Variants in TACR3 observed in about 807,000 individuals in gnomAD.
TACR3 encodes the protein neuromedin-K receptor.
TACR3 carries 34 observed loss-of-function variants against 35.0 expected under a neutral mutation model. That is an observed-to-expected ratio of 0.97 (90% CI 0.74 to 1.30). The LOEUF (loss-of-function observed/expected upper bound fraction) is 1.30. Among genes scored for constraint, TACR3 ranks in the 50% most tolerant of loss-of-function variants. The pLI is 0.00. For synonymous variants in TACR3, 233 were observed against 221.1 expected, an observed-to-expected ratio of 1.05 and a Z score of -0.48; for missense variants, 558 against 591.7, an observed-to-expected ratio of 0.94 and a Z score of 0.59.
At chr4:103,634,867 C>T (rs74523615) in intron 3 of TACR3, among the ~76,000 whole-genome samples, 2,249 of 152,164 alleles carry the variant, frequency 0.015, 57 homozygotes, top group African/African-American at 0.052. Flanking sequence ...TCTCTAGCTT[C>T]AACTTCCTTA....
At chr4:103,617,339 A>T (rs552300539) in intron 3 of TACR3, among the ~76,000 whole-genome samples, 1 of 152,186 alleles carries the variant, frequency 6.6e-6, no homozygotes, top group Admixed American at 6.5e-5. Context: ...TCTTAGAATA[A>T]TATCTTAAAT....
intron 1 of TACR3, among the ~76,000 whole-genome samples, chr4:103,678,239 A>G (rs1343660817): frequency 2.0e-5 from 3 of 152,114 alleles, no homozygotes; most frequent in Non-Finnish European, 4.4e-5. Flanking sequence ...TCTGATGTTG[A>G]TCTACACTGT....
intron 3 of TACR3, among the ~76,000 whole-genome samples, chr4:103,626,959 G>A (rs1193188512): frequency 1.3e-5 from 2 of 151,370 alleles, no homozygotes; most frequent in South Asian, 2.1e-4. Flanking sequence ...CGGATCACGA[G>A]GCCAGGAGTT....
chr4:103,607,103 C>T (rs184422261), intron 3 of TACR3, among the ~76,000 whole-genome samples: 113 of 152,206 alleles, frequency 7.4e-4, no homozygotes, highest in African/African-American at 2.6e-3. Flanking sequence ...TAAATGTAAT[C>T]CAGCATATAA....
At chr4:103,631,323 T>C (rs1725060149) in intron 3 of TACR3, among the ~76,000 whole-genome samples, 1 of 152,130 alleles carries the variant, frequency 6.6e-6, no homozygotes, top group Non-Finnish European at 1.5e-5. Context: ...ACTTAAAGTA[T>C]AATAAAAAAA....
At chr4:103,713,889 T>A (rs1723028474) in intron 1 of TACR3, among the ~76,000 whole-genome samples, 1 of 152,130 alleles carries the variant, frequency 6.6e-6, no homozygotes, top group African/African-American at 2.4e-5. Flanking sequence ...GAGGTGAGAC[T>A]TCTAGGCAGT....
chr4:103,589,691 T>C lies in TACR3; in HGVS notation c.1389A>G (p.Glu463=), dbSNP rs1313379825. 6.2e-7 allele frequency: 1 copy of C among 1,613,876 alleles called. No homozygotes were observed. The highest frequency in any genetic ancestry group is 8.5e-7 in the Non-Finnish European group (1 of 1,179,824). The change falls in exon 5 of 5, where the codon GAA becomes GAG. Residue 463 remains glutamate (E), a synonymous_variant. Transcript: ENST00000304883. The stretch of plus-strand genomic sequence containing the variant: ...ACCTCAGGAAATGGAATTAAGAATA[T>C]TCATCCACAGAGGTATAGGGTGAGC... The part of the protein sequence containing the change: ...FISSPYTSVD[E]YS
chr4:103,649,344 A>T (rs1007402624), intron 3 of TACR3, among the ~76,000 whole-genome samples: 4 of 151,884 alleles, frequency 2.6e-5, no homozygotes, highest in African/African-American at 9.7e-5. Flanking sequence ...GTTGGGTATT[A>T]CTCAAGAACT....
chr4:103,712,239 C>T (rs1043460336), intron 1 of TACR3, among the ~76,000 whole-genome samples: 6 of 152,190 alleles, frequency 3.9e-5, no homozygotes, highest in African/African-American at 1.4e-4. Flanking sequence ...TACCTGACTT[C>T]AAACTATACT....
chr4:103,630,130 T>TA (rs1391193418), intron 3 of TACR3, among the ~76,000 whole-genome samples: 2 of 152,142 alleles, frequency 1.3e-5, no homozygotes, highest in Non-Finnish European at 2.9e-5. Flanking sequence ...GGAAACTGGC[T>TA]GCCCTATGAA....
rs74631074 is a variant in TACR3 at position 103,694,397 on chromosome 4, C to A, written c.548+24731G>T. The stretch of plus-strand genomic sequence containing the variant: ...CAACCCAGCCATTGTTGAGACAATG[C>A]CAGCCTGAGTTCCAGGTGGACTGCA... On this transcript the variant is annotated intron_variant, in intron 1 of 4. Transcript: ENST00000304883. 5.6e-3 allele frequency among the ~76,000 whole-genome samples: 809 copies of A among 144,368 alleles called. 12 individuals are homozygous for A. Among genetic ancestry groups the A allele is most frequent in the Non-Finnish European group, 9.9e-3 (671 of 67,962 alleles). 94.7% of individuals were successfully genotyped at this position (144,368 alleles called of 152,430 possible).
intron 3 of TACR3, among the ~76,000 whole-genome samples, chr4:103,614,974 A>G (rs1287960466): frequency 7.3e-6 from 1 of 136,400 alleles, no homozygotes; most frequent in Non-Finnish European, 1.5e-5. Context: ...CGCTCACTGC[A>G]AGCTCCGCCT....
intron 1 of TACR3, among the ~76,000 whole-genome samples, chr4:103,718,144 T>C (rs1323337349): frequency 6.6e-6 from 1 of 152,168 alleles, no homozygotes; most frequent in East Asian, 1.9e-4. Context: ...AACTGAAATG[T>C]CATAAGAATT....
intron 3 of TACR3, among the ~76,000 whole-genome samples, chr4:103,596,369 A>T (rs1481923156): frequency 6.6e-6 from 1 of 151,878 alleles, no homozygotes; most frequent in Non-Finnish European, 1.5e-5. Flanking sequence ...TCCCACCAAC[A>T]GTGTAAAAGT....
At chr4:103,710,548 C>G (rs981307312) in intron 1 of TACR3, among the ~76,000 whole-genome samples, 8 of 151,994 alleles carry the variant, frequency 5.3e-5, no homozygotes, top group Admixed American at 2.0e-4. Context: ...AGGAAAGATT[C>G]AAAATTGACA....
At chr4:103,713,823 A>G (rs1178707622) in intron 1 of TACR3, among the ~76,000 whole-genome samples, 1 of 152,096 alleles carries the variant, frequency 6.6e-6, no homozygotes. Flanking sequence ...AGATTCAGAA[A>G]TACAGCCAAA....
chr4:103,655,692 CA>C lies in TACR3; in HGVS notation c.888+501del, dbSNP rs547003123. Among the ~76,000 whole-genome samples, 756 of 151,802 alleles carry C rather than the reference CA, an allele frequency of 5.0e-3. 10 individuals are homozygous for C. Among genetic ancestry groups the C allele is most frequent in the African/African-American group, 0.017 (722 of 41,446 alleles). The stretch of plus-strand genomic sequence containing the variant: ...CATACATACATATAAAATGTCTTAT[CA>C]GGGGAAAGAACACACAGAGAAAGTG... On this transcript the variant is annotated intron_variant, in intron 3 of 4. Coordinates refer to ENST00000304883, the MANE Select transcript of TACR3 (RefSeq NM_001059.3).
intron 1 of TACR3, among the ~76,000 whole-genome samples, chr4:103,701,956 A>T (rs180992379): frequency 0.033 from 5,084 of 152,252 alleles, 274 homozygotes; most frequent in African/African-American, 0.12. Context: ...CCTAGAAGAA[A>T]ACCTAGGCAA....
chr4:103,716,814 G>C (rs1578271260), intron 1 of TACR3, among the ~76,000 whole-genome samples: 1 of 152,152 alleles, frequency 6.6e-6, no homozygotes, highest in South Asian at 2.1e-4. Context: ...AGTGGGGATA[G>C]AAAACACTCA....
Sources: allele counts gnomAD v4.1 joint callset (sites outside exome capture counted in the v4.1 genomes callset), GRCh38; gene constraint gnomAD v4.1.1; transcripts MANE v1.5; gene names NCBI Gene and HGNC (gene_info 2026-07-23, HGNC 2026-07-21).